The following PTPRO variants were observed in gnomAD, a reference collection of about 807,000 sequenced individuals.
The protein encoded by PTPRO is protein tyrosine phosphatase receptor type O.
Under a neutral mutation model 145.2 loss-of-function variants are expected in PTPRO, and 62 were observed. The observed-to-expected ratio is 0.43, with a 90% confidence interval of 0.35 to 0.53. The LOEUF is 0.53. PTPRO is among the 20% of genes least tolerant of loss of function. The pLI is 0.01. For missense variants in PTPRO, 1,345 were observed against 1,482.7 expected, an observed-to-expected ratio of 0.91 and a Z score of 1.53; for synonymous variants, 565 against 514.7, an observed-to-expected ratio of 1.10 and a Z score of -1.32.
At chr12:15,377,192 A>C (rs1344401455) in intron 1 of PTPRO, among the ~76,000 whole-genome samples, 1 of 152,124 alleles carries the variant, frequency 6.6e-6, no homozygotes, top group East Asian at 1.9e-4. Context: ...AATAGCTAAA[A>C]AATTATAGTA....
In PTPRO at chr12:15,516,960, A is replaced by T. The variant is rs373608252; in HGVS notation, c.1779+4A>T. On this transcript the variant is annotated splice_donor_region_variant and intron_variant, in intron 9 of 26. Transcript: ENST00000281171. ...TGTTTCCTTAACTGCATCCGTGGTA[A>T]TCTTCCCTTAACCAACTGTCAGTCT... 1.9e-6 allele frequency: 3 copies of T among 1,610,256 alleles called. No individual in the cohort carries two copies. In the African/African-American group the frequency reaches 4.0e-5, roughly 22 times the overall value.
intron 1 of PTPRO, among the ~76,000 whole-genome samples, chr12:15,452,003 A>G (rs1227427505): frequency 2.0e-5 from 3 of 152,264 alleles, no homozygotes; most frequent in Middle Eastern, 3.4e-3. Context: ...ATAAGAGTAG[A>G]ACTGAATGAA....
chr12:15,549,308 A>G, intron 14 of PTPRO, 82 bp downstream of exon 14: 1 of 1,140,100 alleles, frequency 8.8e-7, no homozygotes, highest in Non-Finnish European at 1.1e-6. Context: ...TATTCCACCA[A>G]GAAATCCCAA....
chr12:15,595,203 G>C, intron 26 of PTPRO, 146 bp downstream of exon 26: 2 of 674,198 alleles, frequency 3.0e-6, no homozygotes, highest in South Asian at 3.1e-5. Flanking sequence ...CCTCACATGG[G>C]TGGTCACAGG....
At chr12:15,558,450 T>G (rs1198194981) in intron 16 of PTPRO, among the ~76,000 whole-genome samples, 1 of 152,176 alleles carries the variant, frequency 6.6e-6, no homozygotes, top group Non-Finnish European at 1.5e-5. Context: ...AAGAGCATTG[T>G]CAAGAGATTA....
intron 18 of PTPRO, among the ~76,000 whole-genome samples, chr12:15,568,299 AC>A (rs2135601150): frequency 6.6e-6 from 1 of 152,100 alleles, no homozygotes; most frequent in East Asian, 1.9e-4. Context: ...GTGTGGTGGC[AC>A]CTGCCTGTAG....
At position 15,415,669 on chromosome 12, in the gene PTPRO, G is replaced by A. The variant is rs534176284; in HGVS notation, c.76-68305G>A. On this transcript the variant is annotated intron_variant, in intron 1 of 26. Transcript: ENST00000281171. The stretch of plus-strand genomic sequence containing the variant: ...CAAAGTGCTGGGATTACAGGCGTGA[G>A]CCACTGTGCCCGGCCTATGTGAAAT... 6.1e-4 allele frequency among the ~76,000 whole-genome samples: 92 copies of A among 151,904 alleles called. 2 individuals carry two copies. The highest frequency in any genetic ancestry group is 9.6e-4 in the East Asian group (5 of 5,190).
At chr12:15,497,666 AGGC>A (rs1942135820) in intron 3 of PTPRO, among the ~76,000 whole-genome samples, 1 of 152,258 alleles carries the variant, frequency 6.6e-6, no homozygotes, top group Admixed American at 6.5e-5. Context: ...CTCTTCCCTA[AGGC>A]AGCATGCCTG....
intron 23 of PTPRO, among the ~76,000 whole-genome samples, chr12:15,585,389 C>T (rs774435219): frequency 2.0e-5 from 3 of 152,088 alleles, no homozygotes; most frequent in Non-Finnish European, 4.4e-5. Context: ...GGGTAGCCAG[C>T]GTCTTTGTAG....
intron 1 of PTPRO, among the ~76,000 whole-genome samples, chr12:15,381,573 A>T (rs892348850): frequency 2.6e-5 from 4 of 152,174 alleles, no homozygotes; most frequent in Non-Finnish European, 5.9e-5. Flanking sequence ...TTTAAAAAAA[A>T]TTAAGAAGAC....
chr12:15,423,662 AT>A (rs1427193463), intron 1 of PTPRO, among the ~76,000 whole-genome samples: 7 of 152,134 alleles, frequency 4.6e-5, no homozygotes, highest in Admixed American at 1.3e-4. Flanking sequence ...GAACCTAGAA[AT>A]TTTTTTGTTT....
At chr12:15,391,099 C>G (rs1489194809) in intron 1 of PTPRO, among the ~76,000 whole-genome samples, 1 of 152,180 alleles carries the variant, frequency 6.6e-6, no homozygotes, top group Non-Finnish European at 1.5e-5. Context: ...GCCCCAGTTC[C>G]AATACCATTA....
At chr12:15,368,463 G>T (rs899438193) in intron 1 of PTPRO, among the ~76,000 whole-genome samples, 1 of 152,148 alleles carries the variant, frequency 6.6e-6, no homozygotes, top group African/African-American at 2.4e-5. Context: ...TTGATTGATT[G>T]ATTGATTTTT....
At chr12:15,510,802 A>G (rs927667299) in intron 7 of PTPRO, among the ~76,000 whole-genome samples, 3 of 152,116 alleles carry the variant, frequency 2.0e-5, no homozygotes, top group East Asian at 1.9e-4. Flanking sequence ...AGAAGATTAC[A>G]TAAAGTGGAA....
chr12:15,571,369 C>A (rs1022923806), intron 19 of PTPRO, among the ~76,000 whole-genome samples: 1 of 152,142 alleles, frequency 6.6e-6, no homozygotes, highest in Non-Finnish European at 1.5e-5. Flanking sequence ...CTCACTGCAA[C>A]CTCCGCCTCC....
At chr12:15,413,136 G>A (rs1406699295) in intron 1 of PTPRO, among the ~76,000 whole-genome samples, 1 of 152,096 alleles carries the variant, frequency 6.6e-6, no homozygotes, top group East Asian at 1.9e-4. Flanking sequence ...TGTCACCCAG[G>A]CTGGAATGCA....
chr12:15,368,613 A>G (rs1938433856), intron 1 of PTPRO, among the ~76,000 whole-genome samples: 1 of 152,244 alleles, frequency 6.6e-6, no homozygotes, highest in South Asian at 2.1e-4. Context: ...TTTGAAAGGA[A>G]TGAATCCATG....
chr12:15,576,255 A>G (rs1473691351), intron 19 of PTPRO, among the ~76,000 whole-genome samples: 4 of 152,248 alleles, frequency 2.6e-5, no homozygotes, highest in African/African-American at 9.6e-5. Flanking sequence ...CCACTTAGTG[A>G]CAGGCTAAAT....
At chr12:15,439,486 A>G (rs1940695415) in intron 1 of PTPRO, 1 of 213,836 alleles carries the variant, frequency 4.7e-6, no homozygotes, top group South Asian at 7.6e-5. Context: ...TGCAAGGTTG[A>G]TAAAAATACA....
Sources: allele counts gnomAD v4.1 joint callset (sites outside exome capture counted in the v4.1 genomes callset), GRCh38; gene constraint gnomAD v4.1.1; transcripts MANE v1.5; gene names NCBI Gene and HGNC (gene_info 2026-07-23, HGNC 2026-07-21).